The following ACYP2 variants were observed in gnomAD, a reference collection of about 807,000 sequenced individuals.
ACYP2 encodes the protein acylphosphatase 2.
In ACYP2, 12 loss-of-function variants were observed where a neutral mutation model predicts 11.2. The observed-to-expected ratio is 1.08, with a 90% CI of 0.69 to 1.74. ACYP2 has a LOEUF of 1.74. Among genes scored for constraint, ACYP2 ranks in the 40% most tolerant of loss-of-function variants. The pLI, the probability that ACYP2 is intolerant of heterozygous loss-of-function variation, is 0.00. For synonymous variants in ACYP2, 43 were observed against 32.2 expected (o/e 1.33, Z -1.13); for missense variants, 134 against 101.9 (o/e 1.31, Z -1.35).
intron 2 of ACYP2, among the ~76,000 whole-genome samples, chr2:53,989,940 C>T (rs1168937101): frequency 1.3e-5 from 2 of 151,706 alleles, no homozygotes; most frequent in Non-Finnish European, 2.9e-5. Flanking sequence ...CATCATTTCT[C>T]ATCACTTCTG....
At chr2:54,122,654 T>A (rs1457419450) in intron 4 of ACYP2, among the ~76,000 whole-genome samples, 1 of 152,238 alleles carries the variant, frequency 6.6e-6, no homozygotes. Context: ...GATATCTATC[T>A]GTTGTGCAGT....
At chr2:54,227,780 A>G (rs1022688316) in intron 6 of ACYP2, among the ~76,000 whole-genome samples, 11 of 152,226 alleles carry the variant, frequency 7.2e-5, no homozygotes, top group African/African-American at 2.7e-4. Flanking sequence ...GGCTTTATCA[A>G]TCCAAAGTAT....
intron 6 of ACYP2, among the ~76,000 whole-genome samples, chr2:54,152,136 T>TTTTTTG (rs1682205603): frequency 2.8e-5 from 4 of 143,818 alleles, no homozygotes; most frequent in African/African-American, 1.1e-4. Context: ...TTTTTTTTTT[T>TTTTTTG]GAGGCAGAGT....
chr2:54,048,450 T>A (rs931342168), intron 2 of ACYP2, among the ~76,000 whole-genome samples: 4 of 152,242 alleles, frequency 2.6e-5, no homozygotes, highest in African/African-American at 7.2e-5. Context: ...AAATTAACCA[T>A]GTGTTAACAG....
intron 4 of ACYP2, among the ~76,000 whole-genome samples, chr2:54,101,626 A>T (rs1216017670): frequency 2.0e-5 from 3 of 148,242 alleles, no homozygotes; most frequent in Non-Finnish European, 4.5e-5. Flanking sequence ...GTGAGCCAAG[A>T]TTGCGCCATT....
intron 4 of ACYP2, among the ~76,000 whole-genome samples, chr2:54,067,945 A>G (rs921491712): frequency 2.0e-5 from 3 of 152,246 alleles, no homozygotes; most frequent in African/African-American, 7.2e-5. Context: ...CTCTGCTTGC[A>G]TAACCCATAA....
chr2:54,096,176 G>T (rs1461993293), intron 4 of ACYP2, among the ~76,000 whole-genome samples: 1 of 146,816 alleles, frequency 6.8e-6, no homozygotes, highest in Non-Finnish European at 1.5e-5. Flanking sequence ...GCCGGGTGGA[G>T]GGGCTCCTCA....
chr2:54,216,156 G>C (rs1293439581), intron 6 of ACYP2, among the ~76,000 whole-genome samples: 1 of 152,078 alleles, frequency 6.6e-6, no homozygotes, highest in Non-Finnish European at 1.5e-5. Context: ...TTAAGATGCT[G>C]GTTTTGTCAC....
chr2:54,254,388 G>GT (rs1360040130), intron 6 of ACYP2: 1 of 153,704 alleles, frequency 6.5e-6, no homozygotes, highest in Middle Eastern at 3.4e-3. Context: ...GGAATAGCCA[G>GT]TAGCAGGCAG....
Position 54,304,684 on chromosome 2 carries a change from A to G in ACYP2, c.405-4A>G. 6.3e-7 allele frequency: 1 copy of G among 1,598,906 alleles called. No individual in the cohort carries two copies. The highest frequency in any genetic ancestry group is 8.5e-7 in the Non-Finnish European group (1 of 1,171,934). On this transcript the variant is annotated splice_region_variant and splice_polypyrimidine_tract_variant and intron_variant, in intron 6 of 6. Coordinates refer to ENST00000607452, the MANE Select transcript of ACYP2 (RefSeq NM_001320586.2). ...ATTTTATTTATTTATCTGTTTTTTT[A>G]TAGGAAGTCCTGGCTGAGCAAGGTT...
chr2:54,189,996 C>T (rs370302981), intron 6 of ACYP2, among the ~76,000 whole-genome samples: 1 of 152,044 alleles, frequency 6.6e-6, no homozygotes, highest in Non-Finnish European at 1.5e-5. Flanking sequence ...GACATTTTTA[C>T]GTTTTGTTTT....
intron 2 of ACYP2, among the ~76,000 whole-genome samples, chr2:54,011,120 T>C (rs1392256620): frequency 6.6e-6 from 1 of 152,188 alleles, no homozygotes; most frequent in Non-Finnish European, 1.5e-5. Context: ...TTTAAATCTT[T>C]GTTGCTTGGC....
At chr2:54,211,038 C>A (rs1001251553) in intron 6 of ACYP2, among the ~76,000 whole-genome samples, 4 of 152,306 alleles carry the variant, frequency 2.6e-5, no homozygotes, top group Admixed American at 1.3e-4. Context: ...GTACAGATTT[C>A]CCTGAAGTCA....
In ACYP2 at chr2:54,098,287, C is replaced by T. The variant is rs192207577; in HGVS notation, c.278-37166C>T. ...CCTGGCCACAATTTCTTAACATCAT[C>T]TTATATCCAGTTCATTATTAAATTT... On this transcript the variant is annotated intron_variant, in intron 4 of 6. Coordinates refer to ENST00000607452, the MANE Select transcript of ACYP2 (RefSeq NM_001320586.2). Among the ~76,000 whole-genome samples the T allele has an allele frequency of 3.3e-5, 5 of 152,216 alleles. No homozygotes were observed. The South Asian group carries it at 1.0e-3, about 32-fold the overall frequency.
intron 4 of ACYP2, among the ~76,000 whole-genome samples, chr2:54,099,704 A>G (rs1678789892): frequency 6.6e-6 from 1 of 151,582 alleles, no homozygotes; most frequent in East Asian, 1.9e-4. Flanking sequence ...CATATCTTTT[A>G]TTTATTTTTT....
At chr2:54,002,843 GT>G (rs1672867230) in intron 2 of ACYP2, among the ~76,000 whole-genome samples, 1 of 149,290 alleles carries the variant, frequency 6.7e-6, no homozygotes, top group Non-Finnish European at 1.5e-5. Context: ...TAGAGACGGG[GT>G]TTCTCCATGT....
chr2:54,152,137 GA>G (rs1558572239), intron 6 of ACYP2, among the ~76,000 whole-genome samples: 1 of 105,736 alleles, frequency 9.5e-6, no homozygotes, highest in Non-Finnish European at 1.9e-5. Flanking sequence ...TTTTTTTTTT[GA>G]GGCAGAGTTT....
intron 6 of ACYP2, among the ~76,000 whole-genome samples, chr2:54,214,365 T>C (rs1165758061): frequency 2.0e-5 from 3 of 152,236 alleles, no homozygotes; most frequent in Admixed American, 6.5e-5. Flanking sequence ...AGGGTTTTTA[T>C]AGTTATACAT....
chr2:54,114,406 G>A (rs1282487745), intron 4 of ACYP2, among the ~76,000 whole-genome samples: 1 of 150,436 alleles, frequency 6.6e-6, no homozygotes, highest in Non-Finnish European at 1.5e-5. Context: ...AAAAAAGGTC[G>A]GGTGTGGTGG....
Sources: gnomAD v4.1 joint callset for allele counts (sites outside exome capture counted in the v4.1 genomes callset) on GRCh38, gnomAD v4.1.1 for gene constraint, MANE v1.5 for transcripts, NCBI Gene and HGNC (gene_info 2026-07-23, HGNC 2026-07-21) for gene names.